MACROD2: variants seen among roughly 807,000 people sequenced by gnomAD.
MACROD2 encodes the protein mono-ADP ribosylhydrolase 2.
In MACROD2, 36 loss-of-function variants were observed where a neutral mutation model predicts 70.4. That is an observed-to-expected ratio of 0.51 (90% CI 0.39 to 0.68). MACROD2 has a LOEUF of 0.68. Ranked by LOEUF, MACROD2 falls within the 30% of genes least tolerant of loss-of-function variation. MACROD2 has a pLI of 0.00. For synonymous variants in MACROD2, 172 were observed against 178.8 expected, an observed-to-expected ratio of 0.96 and a Z score of 0.30; for missense variants, 496 against 538.4, an observed-to-expected ratio of 0.92 and a Z score of 0.78.
intron 2 of MACROD2, among the ~76,000 whole-genome samples, chr20:14,037,901 G>T (rs1005467608): frequency 1.3e-5 from 2 of 152,170 alleles, no homozygotes; most frequent in Admixed American, 6.5e-5. Flanking sequence ...TGTAGCCTCG[G>T]CTACTCAGGA....
intron 10 of MACROD2, among the ~76,000 whole-genome samples, chr20:15,915,390 A>G (rs1421981784): frequency 1.3e-5 from 2 of 152,192 alleles, no homozygotes; most frequent in Admixed American, 6.5e-5. Context: ...GGAAATTACA[A>G]GAGTTTTAGA....
chr20:14,019,490 G>A (rs1028453323), intron 2 of MACROD2, among the ~76,000 whole-genome samples: 2 of 152,116 alleles, frequency 1.3e-5, no homozygotes, highest in Admixed American at 1.3e-4. Flanking sequence ...AGCCAAGATG[G>A]TCTTGATCTC....
chr20:14,300,654 G>A (rs1053625032), intron 3 of MACROD2, among the ~76,000 whole-genome samples: 2 of 152,196 alleles, frequency 1.3e-5, no homozygotes, highest in Non-Finnish European at 2.9e-5. Flanking sequence ...GGCTGATTCA[G>A]CTTCGGACTA....
rs58738957 is a variant in MACROD2 at position 15,364,318 on chromosome 20, G to A, written c.541-67087G>A. ...AAGGCCTTGTGTGTATTGGCCATCTGTCCAGTTTACTACAAAGTAGCTCCT... is the reference window on the plus strand; with the variant it reads ...AAGGCCTTGTGTGTATTGGCCATCTATCCAGTTTACTACAAAGTAGCTCCT... On this transcript the variant is annotated intron_variant, in intron 6 of 17. Coordinates refer to ENST00000684519, the MANE Select transcript of MACROD2 (RefSeq NM_001351661.2). Among the ~76,000 whole-genome samples the A allele has an allele frequency of 6.7e-3, 1,024 of 152,274 alleles. 12 individuals carry two copies. Among genetic ancestry groups the A allele is most frequent in the African/African-American group, 0.023 (968 of 41,546 alleles).
At chr20:14,936,854 C>T (rs1227217722) in intron 5 of MACROD2, among the ~76,000 whole-genome samples, 2 of 152,184 alleles carry the variant, frequency 1.3e-5, no homozygotes, top group African/African-American at 2.4e-5. Context: ...AAACCATGCT[C>T]TTCTCCATGT....
intron 4 of MACROD2, among the ~76,000 whole-genome samples, chr20:14,524,746 A>T (rs888221399): frequency 6.6e-6 from 1 of 151,924 alleles, no homozygotes; most frequent in African/African-American, 2.4e-5. Flanking sequence ...CAACTTTACC[A>T]CCTTCACTGA....
At chr20:14,805,426 G>A (rs2072627094) in intron 5 of MACROD2, among the ~76,000 whole-genome samples, 1 of 151,976 alleles carries the variant, frequency 6.6e-6, no homozygotes, top group African/African-American at 2.4e-5. Flanking sequence ...AGGACCAGGA[G>A]AAGACAGTTC....
intron 5 of MACROD2, among the ~76,000 whole-genome samples, chr20:14,940,841 T>A (rs1338123687): frequency 1.3e-5 from 2 of 152,180 alleles, no homozygotes; most frequent in Non-Finnish European, 2.9e-5. Flanking sequence ...TCAGTGACAT[T>A]GGCCTGTAGT....
At chr20:14,641,901 A>C (rs1444807663) in intron 4 of MACROD2, among the ~76,000 whole-genome samples, 1 of 152,172 alleles carries the variant, frequency 6.6e-6, no homozygotes, top group Non-Finnish European at 1.5e-5. Flanking sequence ...ATTTAAAATC[A>C]TCAGCTGCAT....
At chr20:15,984,926 G>A (rs538699812) in intron 13 of MACROD2, among the ~76,000 whole-genome samples, 2 of 152,050 alleles carry the variant, frequency 1.3e-5, no homozygotes, top group Admixed American at 6.6e-5. Context: ...ACTGCTGTTG[G>A]GGGGAAGGGG....
At chr20:15,549,122 A>G (rs569291655) in intron 8 of MACROD2, among the ~76,000 whole-genome samples, 50 of 152,356 alleles carry the variant, frequency 3.3e-4, no homozygotes, top group African/African-American at 1.2e-3. Flanking sequence ...GTAACTGCTA[A>G]GTTTTGGGTT....
intron 6 of MACROD2, among the ~76,000 whole-genome samples, chr20:15,289,205 T>C (rs1382165194): frequency 6.6e-6 from 1 of 152,198 alleles, no homozygotes; most frequent in African/African-American, 2.4e-5. Flanking sequence ...GTAGCATGGA[T>C]CCACTGCTTG....
chr20:15,174,831 T>C (rs1347861070), intron 5 of MACROD2, among the ~76,000 whole-genome samples: 1 of 152,198 alleles, frequency 6.6e-6, no homozygotes, highest in East Asian at 1.9e-4. Context: ...TCATGTGCTT[T>C]GCCCACTTTT....
chr20:15,649,515 T>C (rs1214262571), intron 8 of MACROD2, among the ~76,000 whole-genome samples: 1 of 152,090 alleles, frequency 6.6e-6, no homozygotes, highest in Non-Finnish European at 1.5e-5. Context: ...GCCTCAACTC[T>C]CACTGTCCAG....
At position 14,388,395 on chromosome 20, in the gene MACROD2, C is replaced by A. The variant is rs149690668; in HGVS notation, c.272-105084C>A. Among the ~76,000 whole-genome samples, 10 of 152,192 alleles carry A rather than the reference C, an allele frequency of 6.6e-5. No homozygotes were observed. In the East Asian group the frequency reaches 1.9e-3, roughly 29 times the overall value. Reference sequence around the variant, plus strand: ...GGTAGTTGGGACTCTGATGTCACCCCACACAGTCAAAAATTCATATATGAC... The same window carrying A: ...GGTAGTTGGGACTCTGATGTCACCCAACACAGTCAAAAATTCATATATGAC... On this transcript the variant is annotated intron_variant, in intron 3 of 17. Transcript: ENST00000684519.
intron 10 of MACROD2, among the ~76,000 whole-genome samples, chr20:15,902,366 A>C (rs111290266): frequency 1.3e-5 from 2 of 151,842 alleles, no homozygotes; most frequent in East Asian, 3.9e-4. Context: ...AGAGGCCTCT[A>C]CTCTCTTGGG....
intron 3 of MACROD2, among the ~76,000 whole-genome samples, chr20:14,163,913 T>C (rs923975894): frequency 6.6e-6 from 1 of 152,008 alleles, no homozygotes; most frequent in African/African-American, 2.4e-5. Flanking sequence ...TTCTTTAGTA[T>C]ACATATTTTG....
intron 4 of MACROD2, among the ~76,000 whole-genome samples, chr20:14,593,543 T>C (rs1981920673): frequency 6.6e-6 from 1 of 152,154 alleles, no homozygotes; most frequent in Non-Finnish European, 1.5e-5. Flanking sequence ...GAAAAAGTTG[T>C]TTATAATCTT....
intron 8 of MACROD2, among the ~76,000 whole-genome samples, chr20:15,512,007 C>T (rs1167084941): frequency 6.6e-6 from 1 of 152,192 alleles, no homozygotes; most frequent in Non-Finnish European, 1.5e-5. Flanking sequence ...CTAAGACATA[C>T]TGCAATAAAA....
Sources: gnomAD v4.1 joint callset for allele counts (sites outside exome capture counted in the v4.1 genomes callset) on GRCh38, gnomAD v4.1.1 for gene constraint, MANE v1.5 for transcripts, NCBI Gene and HGNC (gene_info 2026-07-23, HGNC 2026-07-21) for gene names.